Variants in SSPN observed in about 807,000 individuals in gnomAD.
The protein encoded by SSPN is K-ras oncogene-associated protein.
In SSPN, 15 loss-of-function variants were observed where a neutral mutation model predicts 19.1. The observed-to-expected ratio is 0.78, with a 90% CI of 0.52 to 1.21. The LOEUF (loss-of-function observed/expected upper bound fraction) is 1.21, where lower values mean the gene tolerates loss of function less well. SSPN is among the 50% of genes most tolerant of loss of function. The pLI is 0.00. For missense variants in SSPN, 291 were observed against 314.0 expected, an observed-to-expected ratio of 0.93 and a Z score of 0.55; for synonymous variants, 147 against 140.3, an observed-to-expected ratio of 1.05 and a Z score of -0.34.
intron 1 of SSPN, among the ~76,000 whole-genome samples, chr12:26,149,439 T>A (rs973699886): frequency 6.6e-6 from 1 of 152,192 alleles, no homozygotes; most frequent in African/African-American, 2.4e-5. Flanking sequence ...CTCACTTTAT[T>A]TGGGGGCAAA....
chr12:26,122,309 G>GGCGGCT (rs1944315717), intron 1 of SSPN: 4 of 1,175,058 alleles, frequency 3.4e-6, no homozygotes, highest in Non-Finnish European at 4.2e-6. Flanking sequence ...CAGCGGCGGC[G>GGCGGCT]GCGGCTGCCG....
At chr12:26,214,474 C>T (rs1945025623) in intron 1 of SSPN, among the ~76,000 whole-genome samples, 2 of 152,166 alleles carry the variant, frequency 1.3e-5, no homozygotes, top group Admixed American at 6.5e-5. Context: ...ACATTATTGT[C>T]TCCATTTTAT....
chr12:26,176,747 C>G (rs1944686456), intron 1 of SSPN, among the ~76,000 whole-genome samples: 2 of 152,212 alleles, frequency 1.3e-5, no homozygotes, highest in South Asian at 4.1e-4. Context: ...TTGCTGAAGT[C>G]AGATAGATAC....
chr12:26,126,907 A>G (rs1407076505), intron 1 of SSPN, among the ~76,000 whole-genome samples: 1 of 152,202 alleles, frequency 6.6e-6, no homozygotes, highest in African/African-American at 2.4e-5. Flanking sequence ...TGCTGACTTT[A>G]TTTTAAATCT....
intron 2 of SSPN, among the ~76,000 whole-genome samples, chr12:26,228,186 A>G: frequency 6.6e-6 from 1 of 152,020 alleles, no homozygotes; most frequent in East Asian, 1.9e-4. Flanking sequence ...ACTTGAGGTC[A>G]GGAGTTCAAG....
intron 1 of SSPN, among the ~76,000 whole-genome samples, chr12:26,189,994 G>C (rs1044619976): frequency 6.6e-6 from 1 of 152,134 alleles, no homozygotes; most frequent in Admixed American, 6.6e-5. Context: ...TGAAGCCATG[G>C]AACATGTAGT....
At chr12:26,181,638 C>A (rs1266429397) in intron 1 of SSPN, among the ~76,000 whole-genome samples, 1 of 152,122 alleles carries the variant, frequency 6.6e-6, no homozygotes, top group Non-Finnish European at 1.5e-5. Context: ...AAAGTTTAGG[C>A]ACTTTTGTCT....
chr12:26,202,882 C>T (rs1048984163), intron 1 of SSPN, among the ~76,000 whole-genome samples: 1 of 152,158 alleles, frequency 6.6e-6, no homozygotes, highest in Admixed American at 6.5e-5. Context: ...AAAGATACTA[C>T]GTGAGACTAA....
chr12:26,216,742 G>A (rs1362938594), intron 1 of SSPN, among the ~76,000 whole-genome samples: 3 of 120,246 alleles, frequency 2.5e-5, no homozygotes, highest in Non-Finnish European at 3.4e-5. Flanking sequence ...ATCTTGAATT[G>A]ATTTTTGTAT....
At chr12:26,159,466 G>T (rs937952214) in intron 1 of SSPN, among the ~76,000 whole-genome samples, 4 of 152,220 alleles carry the variant, frequency 2.6e-5, no homozygotes, top group Admixed American at 1.3e-4. Flanking sequence ...GGAAAGATGG[G>T]TTGTGTGCAC....
chr12:26,200,105 G>C (rs1379043050), intron 1 of SSPN, among the ~76,000 whole-genome samples: 1 of 152,182 alleles, frequency 6.6e-6, no homozygotes, highest in Non-Finnish European at 1.5e-5. Context: ...CCCATGGAAA[G>C]TGAGAATTTC....
intron 1 of SSPN, among the ~76,000 whole-genome samples, chr12:26,147,394 C>A (rs1370329066): frequency 6.6e-6 from 1 of 151,968 alleles, no homozygotes; most frequent in Non-Finnish European, 1.5e-5. Flanking sequence ...GCCTCAGCCT[C>A]CTGAGTAGCT....
chr12:26,212,569 C>T (rs1376807338), intron 1 of SSPN, among the ~76,000 whole-genome samples: 3 of 151,976 alleles, frequency 2.0e-5, no homozygotes, highest in Non-Finnish European at 4.4e-5. Context: ...CCAAACCCCT[C>T]GTGGGCAGGC....
At chr12:26,184,561 T>A (rs1419833885) in intron 1 of SSPN, among the ~76,000 whole-genome samples, 1 of 152,174 alleles carries the variant, frequency 6.6e-6, no homozygotes, top group African/African-American at 2.4e-5. Context: ...ACCTGGACTG[T>A]GGACTCCCTT....
intron 1 of SSPN, chr12:26,123,320 T>C (rs1944331970): frequency 4.2e-6 from 5 of 1,193,364 alleles, no homozygotes; most frequent in Non-Finnish European, 5.7e-6. Flanking sequence ...ATCCACCAGT[T>C]GACGAGAGAA....
upstream of SSPN, among the ~76,000 whole-genome samples, chr12:26,193,485 A>G (rs909451801): frequency 6.6e-6 from 1 of 152,212 alleles, no homozygotes. Context: ...AGGTAGCTAT[A>G]TTGTTAATAA....
intron 1 of SSPN, among the ~76,000 whole-genome samples, chr12:26,189,115 A>G (rs1944772330): frequency 6.6e-6 from 1 of 152,150 alleles, no homozygotes; most frequent in African/African-American, 2.4e-5. Context: ...AGATTTAAAG[A>G]GATAATATGT....
intron 1 of SSPN, among the ~76,000 whole-genome samples, chr12:26,187,138 A>T (rs1944759118): frequency 6.6e-6 from 1 of 152,204 alleles, no homozygotes; most frequent in Non-Finnish European, 1.5e-5. Flanking sequence ...AAGGGTTCTG[A>T]TTCATCCTGC....
At chr12:26,215,452 G>A (rs946610494) in intron 1 of SSPN, among the ~76,000 whole-genome samples, 1 of 152,186 alleles carries the variant, frequency 6.6e-6, no homozygotes, top group African/African-American at 2.4e-5. Context: ...GAAATGGGGT[G>A]GAGGTGCAGA....
Sources: allele counts gnomAD v4.1 joint callset (sites outside exome capture counted in the v4.1 genomes callset), GRCh38; gene constraint gnomAD v4.1.1; transcripts MANE v1.5; gene names NCBI Gene and HGNC (gene_info 2026-07-23, HGNC 2026-07-21).